Variants in NADSYN1 observed in about 807,000 individuals in gnomAD.
The protein encoded by NADSYN1 is glutamine-dependent NAD(+) synthetase.
Under a neutral mutation model 99.3 loss-of-function variants are expected in NADSYN1, and 80 were observed. The ratio of observed to expected loss-of-function variants is 0.81; its 90% CI spans 0.67 to 0.97. The LOEUF (loss-of-function observed/expected upper bound fraction) is 0.97. Among genes scored for constraint, NADSYN1 ranks in the 50% least tolerant of loss-of-function variants. NADSYN1 has a pLI of 0.00. For missense variants in NADSYN1, 859 were observed against 948.5 expected (o/e 0.91, Z 1.24); for synonymous variants, 385 against 372.1 (o/e 1.03, Z -0.40).
intron 12 of NADSYN1, 176 bp downstream of exon 12, chr11:71,481,580 C>G: frequency 1.5e-6 from 1 of 672,674 alleles, no homozygotes; most frequent in Non-Finnish European, 2.5e-6. Context: ...AAGGTGGGCA[C>G]AGTGGCTGGT....
At position 71,482,403 on chromosome 11, in the gene NADSYN1, T is replaced by C. The variant is rs1285474568; in HGVS notation, c.1150+378T>C. ...GGTGATGATGCCCGATGGATGGGGC[T>C]GTGGGCCATAGCCTGGGCTGGCGCT... On this transcript the variant is annotated intron_variant, in intron 13 of 20. Transcript: ENST00000319023. 3.9e-5 allele frequency among the ~76,000 whole-genome samples: 6 copies of C among 152,312 alleles called. No homozygotes were observed. The East Asian group carries it at 1.2e-3, about 29-fold the overall frequency.
chr11:71,480,669 T>TG, intron 10 of NADSYN1, 86 bp from the exon 11 acceptor site: 1 of 1,593,192 alleles, frequency 6.3e-7, no homozygotes, highest in Non-Finnish European at 8.6e-7. Context: ...CTGTGGCTGA[T>TG]GGAGTCCTGC....
chr11:71,473,433 C>G, intron 7 of NADSYN1, 67 bp downstream of exon 7: 1 of 1,569,808 alleles, frequency 6.4e-7, no homozygotes, highest in Admixed American at 1.7e-5. Flanking sequence ...GGACCTGGGA[C>G]TGCAGACGTC....
chr11:71,501,231 G>A, intron 20 of NADSYN1, 71 bp from the exon 21 acceptor site: 1 of 1,369,994 alleles, frequency 7.3e-7, no homozygotes, highest in Non-Finnish European at 9.7e-7. Flanking sequence ...CGCTTTTGGT[G>A]CGTGCCAGTG....
chr11:71,470,066 G>A (rs901689285), intron 5 of NADSYN1, among the ~76,000 whole-genome samples: 8 of 152,292 alleles, frequency 5.3e-5, no homozygotes, highest in East Asian at 1.9e-4. Context: ...TCACAATCAC[G>A]GCAGAAGGCG....
intron 2 of NADSYN1, chr11:71,455,416 A>G (rs370553294): frequency 2.1e-6 from 1 of 475,406 alleles, no homozygotes; most frequent in Admixed American, 3.8e-5. Flanking sequence ...GGCCAGTTTC[A>G]AAGTTGGGCT....
At chr11:71,497,830 G>C (rs1239038992) in intron 19 of NADSYN1, among the ~76,000 whole-genome samples, 3 of 150,104 alleles carry the variant, frequency 2.0e-5, no homozygotes, top group Non-Finnish European at 4.4e-5. Context: ...AGGTAAACAC[G>C]ACATGAAACA....
intron 19 of NADSYN1, 37 bp from the exon 20 acceptor site, chr11:71,498,315 T>G (rs1949834061): frequency 6.2e-7 from 1 of 1,610,756 alleles, no homozygotes; most frequent in Admixed American, 1.7e-5. Flanking sequence ...CTCTCCAGTT[T>G]TGGTAACATG....
At chr11:71,492,762 A>G (rs954143714) in intron 18 of NADSYN1, among the ~76,000 whole-genome samples, 1 of 152,186 alleles carries the variant, frequency 6.6e-6, no homozygotes, top group African/African-American at 2.4e-5. Flanking sequence ...TTGCGTTTTG[A>G]CGGGGACTGC....
Position 71,456,926 on chromosome 11 carries a change from G to A in NADSYN1, c.147-1502G>A, listed in dbSNP as rs139940379. On this transcript the variant is annotated intron_variant, in intron 2 of 20. Transcript: ENST00000319023. ...GTCCAGCACCTGATACACAGGGAGG[G>A]CCCAGTGGCCCTAGAGCAGGCTGAC... Among the ~76,000 whole-genome samples, 510 of 152,342 alleles carry A rather than the reference G, an allele frequency of 3.3e-3. 1 individual carries two copies. The highest frequency in any genetic ancestry group is 0.012 in the African/African-American group (493 of 41,574).
chr11:71,492,152 C>A (rs940095086), intron 18 of NADSYN1, among the ~76,000 whole-genome samples: 1 of 152,262 alleles, frequency 6.6e-6, no homozygotes, highest in African/African-American at 2.4e-5. Flanking sequence ...AGATGGCGGG[C>A]GGAGGAACGC....
At chr11:71,470,394 C>T (rs1027232494) in intron 5 of NADSYN1, among the ~76,000 whole-genome samples, 20 of 152,264 alleles carry the variant, frequency 1.3e-4, no homozygotes, top group African/African-American at 4.6e-4. Flanking sequence ...GCGGGGAGCA[C>T]TTCCAAGGAG....
intron 2 of NADSYN1, among the ~76,000 whole-genome samples, chr11:71,458,119 T>C (rs999895063): frequency 1.3e-5 from 2 of 152,278 alleles, no homozygotes; most frequent in Non-Finnish European, 2.9e-5. Context: ...TGTAGATCAG[T>C]GTCATTTGGG....
chr11:71,490,881 T>C lies in NADSYN1; in HGVS notation c.1599T>C (p.Ser533=), dbSNP rs1327038800. ...ACCTGACCAAGTACGACTGCTCCAG[T>C]GCGGACATCAACCCCATAGGCGGGA... ...LGYLTKYDCS[S]ADINPIGGIS... is the part of the protein sequence containing the mutation. The change falls in exon 17 of 21, where the codon AGT becomes AGC. Residue 533 remains serine, a synonymous_variant. Transcript: ENST00000319023. 6.2e-7 allele frequency: 1 copy of C among 1,614,198 alleles called. No individual in the cohort carries two copies. The highest frequency in any genetic ancestry group is 1.1e-5 in the South Asian group (1 of 91,084).
chr11:71,469,136 G>A (rs750759429), intron 5 of NADSYN1, among the ~76,000 whole-genome samples: 3 of 151,892 alleles, frequency 2.0e-5, no homozygotes, highest in Non-Finnish European at 4.4e-5. Flanking sequence ...AAGAGCAAAA[G>A]GCCACAAATA....
In NADSYN1 at chr11:71,481,281, C is replaced by T. The variant is rs963304741; in HGVS notation, c.999-75C>T. On this transcript the variant is annotated intron_variant, in intron 11 of 20. Transcript: ENST00000319023. ...ACTCTGGCACTGCAGCCTCCTGGGG[C>T]CTGCTTGGGTGGGTTGTTGGGTGCT... 6.1e-6 allele frequency: 9 copies of T among 1,485,610 alleles called. No individual in the cohort carries two copies. In the Admixed American group the frequency reaches 8.4e-5, roughly 14 times the overall value. The allele number at this position is 1,485,610 out of a possible 1,614,324, so 92.0% of individuals were successfully genotyped here.
rs1403969597 is a variant in NADSYN1 at position 71,470,781 on chromosome 11, G to A, written c.408-1668G>A. Among the ~76,000 whole-genome samples the A allele has an allele frequency of 5.3e-4, 81 of 152,160 alleles. 1 individual carries two copies. The highest frequency in any genetic ancestry group is 5.2e-3 in the Admixed American group (80 of 15,280). On this transcript the variant is annotated intron_variant, in intron 5 of 20. Coordinates refer to ENST00000319023, the MANE Select transcript of NADSYN1 (RefSeq NM_018161.5). ...CTATTTTCTGCTTCCAAAGGCTTTC[G>A]TTCTTTTGCTTCTGTTCTGTTCTTC...
intron 10 of NADSYN1, 51 bp from the exon 11 acceptor site, chr11:71,480,704 G>C: frequency 1.2e-6 from 2 of 1,612,774 alleles, no homozygotes; most frequent in Non-Finnish European, 1.7e-6. Context: ...TGGGGACCCA[G>C]AGGGTTTCCG....
Position 71,463,430 on chromosome 11 carries a change from A to G in NADSYN1, c.264-2A>G. ...CACATGTACCTCCCCTCTCTCCTGC[A>G]GGCCTGTAATGCACCGAAACGTCCG... On this transcript the variant is annotated splice_acceptor_variant, in intron 3 of 20. Transcript: ENST00000319023. LOFTEE classifies it high-confidence loss of function. 6.2e-7 allele frequency: 1 copy of G among 1,613,804 alleles called. No individual in the cohort carries two copies. Among genetic ancestry groups the G allele is most frequent in the South Asian group, 1.1e-5 (1 of 91,056 alleles).
Sources: allele counts gnomAD v4.1 joint callset (sites outside exome capture counted in the v4.1 genomes callset), GRCh38; gene constraint gnomAD v4.1.1; transcripts MANE v1.5; gene names NCBI Gene and HGNC (gene_info 2026-07-23, HGNC 2026-07-21).